Variants in CFAP58 observed in about 807,000 individuals in gnomAD.
CFAP58 encodes the protein cilia and flagella associated protein 58.
Under a neutral mutation model 119.5 loss-of-function variants are expected in CFAP58, and 88 were observed. That is an observed-to-expected ratio of 0.74 (90% CI 0.62 to 0.88). The LOEUF (loss-of-function observed/expected upper bound fraction) is 0.88, where lower values mean the gene tolerates loss of function less well. Ranked by LOEUF, CFAP58 falls within the 40% of genes least tolerant of loss-of-function variation. The pLI is 0.00. For missense variants in CFAP58, 990 were observed against 1,021.2 expected, an observed-to-expected ratio of 0.97 and a Z score of 0.42; for synonymous variants, 365 against 366.3, an observed-to-expected ratio of 1.00 and a Z score of 0.04.
intron 15 of CFAP58, among the ~76,000 whole-genome samples, chr10:104,413,469 G>A (rs931540499): frequency 6.6e-6 from 1 of 152,164 alleles, no homozygotes; most frequent in Non-Finnish European, 1.5e-5. Flanking sequence ...GTATGAACAG[G>A]AAGGATTTCT....
intron 15 of CFAP58, among the ~76,000 whole-genome samples, chr10:104,439,704 T>TAACAACAACAAC (rs60040374): frequency 0.036 from 5,435 of 151,254 alleles, 128 homozygotes; most frequent in African/African-American, 0.064. Context: ...GACTCTGTCT[T>TAACAACAACAAC]AACAACAACA....
At chr10:104,444,641 A>G (rs978186334) in intron 15 of CFAP58, among the ~76,000 whole-genome samples, 47 of 152,226 alleles carry the variant, frequency 3.1e-4, no homozygotes, top group African/African-American at 1.1e-3. Flanking sequence ...ATGAGTCTGT[A>G]TGATACACAA....
intron 2 of CFAP58, 25 bp downstream of exon 2, chr10:104,358,647 T>C (rs765014812): frequency 3.1e-5 from 49 of 1,591,006 alleles, no homozygotes; most frequent in Admixed American, 5.3e-5. Flanking sequence ...AGAAATGGAA[T>C]GAACCTGAAT....
chr10:104,372,171 G>A (rs1455379287), intron 7 of CFAP58, among the ~76,000 whole-genome samples: 5 of 152,076 alleles, frequency 3.3e-5, no homozygotes, highest in Admixed American at 3.3e-4. Context: ...TGGCCAACAT[G>A]GTAAAACCCT....
chr10:104,440,988 T>C (rs551103507), intron 15 of CFAP58, among the ~76,000 whole-genome samples: 29 of 152,222 alleles, frequency 1.9e-4, no homozygotes, highest in African/African-American at 6.8e-4. Context: ...GATACTAAAC[T>C]CTAGACCTTA....
intron 15 of CFAP58, among the ~76,000 whole-genome samples, chr10:104,424,976 T>G (rs2012719830): frequency 6.6e-6 from 1 of 152,166 alleles, no homozygotes; most frequent in African/African-American, 2.4e-5. Context: ...GTCCTGGTCT[T>G]ACCAATGACT....
At chr10:104,406,966 G>A (rs560943692) in intron 15 of CFAP58, among the ~76,000 whole-genome samples, 173 bp downstream of exon 15, 4 of 152,258 alleles carry the variant, frequency 2.6e-5, no homozygotes, top group Non-Finnish European at 4.4e-5. Flanking sequence ...GGTCTTTTAC[G>A]TTGCGATCAC....
intron 5 of CFAP58, among the ~76,000 whole-genome samples, chr10:104,367,889 G>A (rs1204124326): frequency 6.6e-6 from 1 of 152,206 alleles, no homozygotes; most frequent in African/African-American, 2.4e-5. Flanking sequence ...CACTCAAGCA[G>A]ATATAAATCA....
Position 104,454,480 on chromosome 10 carries a change from G to A in CFAP58, c.2569G>A (p.Gly857Ser), listed in dbSNP as rs767106559. 1.2e-6 allele frequency: 2 copies of A among 1,613,904 alleles called. No homozygotes were observed. Among genetic ancestry groups the A allele is most frequent in the Non-Finnish European group, 1.7e-6 (2 of 1,179,860 alleles). Residue 857 changes from glycine to serine, a missense_variant, in exon 18 of 18, where the codon GGT (glycine) becomes AGT (serine). Coordinates refer to ENST00000369704, the MANE Select transcript of CFAP58 (RefSeq NM_001008723.2). ...TFLMVKPNGP[G>S]FTGGGFPLRS... ...CTTAATGGTCAAACCAAATGGTCCT[G>A]GTTTTACTGGGGGCGGATTTCCTCT...
intron 12 of CFAP58, among the ~76,000 whole-genome samples, 179 bp downstream of exon 12, chr10:104,399,679 A>G (rs2012227722): frequency 6.6e-6 from 1 of 152,112 alleles, no homozygotes; most frequent in South Asian, 2.1e-4. Flanking sequence ...TTGACTTATG[A>G]GCACTTCCCA....
intron 15 of CFAP58, among the ~76,000 whole-genome samples, chr10:104,407,433 C>T (rs991000492): frequency 2.6e-5 from 4 of 152,060 alleles, no homozygotes; most frequent in African/African-American, 7.2e-5. Context: ...AGCTGATGAC[C>T]GAGGAAGTCA....
chr10:104,352,321 A>G (rs1001646823), upstream of CFAP58, among the ~76,000 whole-genome samples: 4 of 152,190 alleles, frequency 2.6e-5, no homozygotes, highest in African/African-American at 9.7e-5. Flanking sequence ...AGTGCTTGGT[A>G]AGTACCCAGG....
intron 15 of CFAP58, among the ~76,000 whole-genome samples, chr10:104,436,287 A>G (rs2012933006): frequency 6.6e-6 from 1 of 152,228 alleles, no homozygotes; most frequent in Admixed American, 6.5e-5. Flanking sequence ...GATACAATAG[A>G]ATAACATTTT....
chr10:104,423,090 G>C (rs1276357811), intron 15 of CFAP58, among the ~76,000 whole-genome samples: 1 of 152,076 alleles, frequency 6.6e-6, no homozygotes, highest in African/African-American at 2.4e-5. Flanking sequence ...TTGCTGACAT[G>C]TTTTTCTTTC....
intron 14 of CFAP58, 85 bp downstream of exon 14, chr10:104,403,925 G>A: frequency 2.6e-6 from 2 of 773,892 alleles, no homozygotes; most frequent in Non-Finnish European, 2.1e-6. Flanking sequence ...ACAATGAGAA[G>A]CGAGGTTTTA....
intron 6 of CFAP58, 42 bp downstream of exon 6, chr10:104,368,602 C>G: frequency 5.6e-6 from 9 of 1,608,374 alleles, no homozygotes; most frequent in Non-Finnish European, 6.8e-6. Context: ...CTCTTTCTTC[C>G]TAACACAGGT....
intron 8 of CFAP58, among the ~76,000 whole-genome samples, chr10:104,378,788 G>C (rs776586666): frequency 7.9e-5 from 12 of 152,086 alleles, no homozygotes; most frequent in Non-Finnish European, 1.6e-4. Flanking sequence ...TGCAGTTAAA[G>C]AGGTGAACAC....
chr10:104,341,147 G>A, the CFAP58 span, among the ~76,000 whole-genome samples: 1 of 151,894 alleles, frequency 6.6e-6, no homozygotes, highest in Non-Finnish European at 1.5e-5. Flanking sequence ...CGTAAAATTC[G>A]GTTGTTTATC....
chr10:104,426,438 G>A (rs1281052632), intron 15 of CFAP58, among the ~76,000 whole-genome samples: 3 of 123,816 alleles, frequency 2.4e-5, no homozygotes, highest in African/African-American at 6.3e-5. Flanking sequence ...TCCCCCCGCC[G>A]CCTTCCATCA....
Sources: allele counts gnomAD v4.1 joint callset (sites outside exome capture counted in the v4.1 genomes callset), GRCh38; gene constraint gnomAD v4.1.1; transcripts MANE v1.5; gene names NCBI Gene and HGNC (gene_info 2026-07-23, HGNC 2026-07-21).